PRKG1: variants seen among roughly 807,000 people sequenced by gnomAD.
The protein encoded by PRKG1 is cGMP-dependent protein kinase 1.
Under a neutral mutation model 88.1 loss-of-function variants are expected in PRKG1, and 35 were observed. The ratio of observed to expected loss-of-function variants is 0.40; its 90% CI spans 0.30 to 0.53. The LOEUF (loss-of-function observed/expected upper bound fraction) is 0.53. Ranked by LOEUF, PRKG1 falls within the 20% of genes least tolerant of loss-of-function variation. The pLI, the probability that PRKG1 is intolerant of heterozygous loss-of-function variation, is 0.59. For missense variants in PRKG1, 540 were observed against 839.8 expected, an observed-to-expected ratio of 0.64 and a Z score of 4.41; for synonymous variants, 303 against 292.5, an observed-to-expected ratio of 1.04 and a Z score of -0.37.
chr10:52,074,972 A>C (rs867522308), intron 7 of PRKG1, among the ~76,000 whole-genome samples: 14 of 152,366 alleles, frequency 9.2e-5, no homozygotes, highest in Middle Eastern at 6.8e-3. Context: ...AAAGTATGCT[A>C]TGTGATAATT....
At chr10:51,931,450 A>G (rs770520305) in intron 5 of PRKG1, among the ~76,000 whole-genome samples, 2 of 152,194 alleles carry the variant, frequency 1.3e-5, no homozygotes, top group Non-Finnish European at 2.9e-5. Context: ...CCCCATCGCT[A>G]TAAAGAATAA....
chr10:51,719,204 C>T lies in PRKG1; in HGVS notation c.593-85381C>T, dbSNP rs538523823. Among the ~76,000 whole-genome samples, 8 of 151,742 alleles carry T rather than the reference C, an allele frequency of 5.3e-5. No homozygotes were observed. The South Asian group carries it at 1.7e-3, about 32-fold the overall frequency. ...TCCAAGCAGTAAATATAGATCTTCC[C>T]TCCTTGAGGAAGTGGAGCTTAATTC... On this transcript the variant is annotated intron_variant, in intron 3 of 17. Coordinates refer to ENST00000373980, the MANE Select transcript of PRKG1 (RefSeq NM_006258.4).
intron 2 of PRKG1, among the ~76,000 whole-genome samples, chr10:51,433,399 T>G (rs578162215): frequency 6.6e-6 from 1 of 152,270 alleles, no homozygotes; most frequent in South Asian, 2.1e-4. Context: ...AGTACCCTCT[T>G]GGAGCCTTGG....
intron 1 of PRKG1, among the ~76,000 whole-genome samples, chr10:51,044,999 T>C (rs899983007): frequency 6.6e-6 from 1 of 152,192 alleles, no homozygotes; most frequent in Admixed American, 6.5e-5. Context: ...TTTTAGTGCA[T>C]GTATTTGGTA....
chr10:52,145,853 C>T (rs1251695155), intron 8 of PRKG1, among the ~76,000 whole-genome samples: 2 of 152,188 alleles, frequency 1.3e-5, no homozygotes, highest in African/African-American at 4.8e-5. Context: ...GGATTAGCAT[C>T]AGCCACAATA....
At chr10:51,284,013 C>T (rs1262413290) in intron 2 of PRKG1, among the ~76,000 whole-genome samples, 1 of 152,092 alleles carries the variant, frequency 6.6e-6, no homozygotes, top group Non-Finnish European at 1.5e-5. Context: ...GTCTGCTATA[C>T]ATATATAAAA....
At chr10:51,945,364 G>T (rs1843002600) in intron 5 of PRKG1, among the ~76,000 whole-genome samples, 1 of 151,440 alleles carries the variant, frequency 6.6e-6, no homozygotes, top group South Asian at 2.1e-4. Context: ...CACGTGAGAT[G>T]AGTTTCCTGA....
chr10:51,828,229 G>T (rs1246854477), intron 4 of PRKG1, among the ~76,000 whole-genome samples: 1 of 152,036 alleles, frequency 6.6e-6, no homozygotes, highest in Non-Finnish European at 1.5e-5. Context: ...GATTGCCAAA[G>T]CTTTACTCTT....
chr10:52,147,708 G>A (rs1230260074), intron 8 of PRKG1, among the ~76,000 whole-genome samples: 2 of 152,146 alleles, frequency 1.3e-5, no homozygotes, highest in African/African-American at 4.8e-5. Flanking sequence ...AGTAGAAGTA[G>A]AAAGGAAAAA....
At chr10:52,188,654 AT>A (rs1413706951) in intron 9 of PRKG1, among the ~76,000 whole-genome samples, 1 of 152,166 alleles carries the variant, frequency 6.6e-6, no homozygotes, top group Non-Finnish European at 1.5e-5. Context: ...GAAACAGATG[AT>A]TTCTATTGTG....
At chr10:51,444,237 T>C (rs1359549860) in intron 2 of PRKG1, among the ~76,000 whole-genome samples, 1 of 151,578 alleles carries the variant, frequency 6.6e-6, no homozygotes, top group Non-Finnish European at 1.5e-5. Context: ...GGCATTTGCA[T>C]GGAGGACTCT....
chr10:52,158,014 A>G (rs1206799987), intron 8 of PRKG1, among the ~76,000 whole-genome samples: 5 of 151,868 alleles, frequency 3.3e-5, no homozygotes, highest in African/African-American at 7.2e-5. Flanking sequence ...TGAATGAAAT[A>G]TGTGCATGCA....
chr10:51,705,975 C>T (rs1331101603), intron 3 of PRKG1, among the ~76,000 whole-genome samples: 2 of 152,156 alleles, frequency 1.3e-5, no homozygotes, highest in African/African-American at 4.8e-5. Flanking sequence ...GCACCATCTC[C>T]CTTGGCATTT....
At chr10:51,712,865 A>C (rs747037441) in intron 3 of PRKG1, among the ~76,000 whole-genome samples, 2 of 152,028 alleles carry the variant, frequency 1.3e-5, no homozygotes, top group Non-Finnish European at 2.9e-5. Context: ...TCATCCTCAC[A>C]TAAGACAGCC....
At chr10:51,708,295 T>A (rs989001924) in intron 3 of PRKG1, among the ~76,000 whole-genome samples, 4 of 152,112 alleles carry the variant, frequency 2.6e-5, no homozygotes, top group Admixed American at 2.6e-4. Flanking sequence ...AGATGAGGGG[T>A]CCACACGTAT....
At chr10:51,343,795 C>T (rs1842053189) in intron 2 of PRKG1, among the ~76,000 whole-genome samples, 1 of 152,170 alleles carries the variant, frequency 6.6e-6, no homozygotes, top group African/African-American at 2.4e-5. Context: ...CCAGATCACT[C>T]AGCCAGGGAA....
chr10:51,152,948 T>C (rs967316388), intron 1 of PRKG1, among the ~76,000 whole-genome samples: 6 of 150,330 alleles, frequency 4.0e-5, no homozygotes, highest in Non-Finnish European at 8.9e-5. Flanking sequence ...CATTAAATGA[T>C]AGAATACTTA....
chr10:51,292,868 C>T (rs1840620697), intron 2 of PRKG1, among the ~76,000 whole-genome samples: 2 of 152,062 alleles, frequency 1.3e-5, no homozygotes, highest in Admixed American at 6.6e-5. Context: ...GGTTTACACC[C>T]AATCCCATTT....
chr10:51,074,103 A>G (rs78357824), upstream of PRKG1, among the ~76,000 whole-genome samples: 1,191 of 44,888 alleles, frequency 0.027, 55 homozygotes, highest in East Asian at 0.26. Flanking sequence ...CCCACCCCCG[A>G]AGTAGCGCTC....
Sources: allele counts gnomAD v4.1 joint callset (sites outside exome capture counted in the v4.1 genomes callset), GRCh38; gene constraint gnomAD v4.1.1; transcripts MANE v1.5; gene names NCBI Gene and HGNC (gene_info 2026-07-23, HGNC 2026-07-21).